Variants in ABAT observed in about 807,000 individuals in gnomAD.
The protein encoded by ABAT is 4-aminobutyrate aminotransferase, mitochondrial.
ABAT carries 45 observed loss-of-function variants against 64.6 expected under a neutral mutation model. The observed-to-expected ratio is 0.70, with a 90% CI of 0.55 to 0.89. ABAT has a LOEUF of 0.89. Among genes scored for constraint, ABAT ranks in the 40% least tolerant of loss-of-function variants. The probability of loss-of-function intolerance (pLI) is 0.00; values close to 1 mark genes in which losing one functional copy is unlikely to be tolerated. For missense variants in ABAT, 633 were observed against 658.4 expected (o/e 0.96, Z 0.42); for synonymous variants, 297 against 250.5 (o/e 1.19, Z -1.75).
chr16:8,775,640 G>A lies in ABAT; in HGVS notation c.1122+583G>A, dbSNP rs142860330. On this transcript the variant is annotated intron_variant, in intron 13 of 15. Coordinates refer to ENST00000268251, the MANE Select transcript of ABAT (RefSeq NM_020686.6). ...CCTACATGTAGTTTCTACCCTCAAG[G>A]TTGCCTCATGGTCCAAAATGGCTTC... Among the ~76,000 whole-genome samples the A allele has an allele frequency of 1.2e-3, 182 of 152,170 alleles. 1 individual carries two copies. The highest frequency in any genetic ancestry group is 4.1e-3 in the African/African-American group (170 of 41,516).
chr16:8,701,162 T>C (rs1274313594), intron 1 of ABAT, among the ~76,000 whole-genome samples: 2 of 152,178 alleles, frequency 1.3e-5, no homozygotes, highest in African/African-American at 4.8e-5. Context: ...GCTCTCAAAC[T>C]CCTGAACTAA....
At chr16:8,695,314 C>T (rs2057677739) in intron 1 of ABAT, among the ~76,000 whole-genome samples, 1 of 152,208 alleles carries the variant, frequency 6.6e-6, no homozygotes, top group Admixed American at 6.5e-5. Context: ...GAATGAGAAG[C>T]AGATGGTTCA....
chr16:8,768,796 C>T lies in ABAT; in HGVS notation c.668-29C>T, dbSNP rs201724555. 3.4e-4 allele frequency: 551 copies of T among 1,613,908 alleles called. 3 individuals are homozygous for T. The African/African-American group carries it at 6.1e-3, about 18-fold the overall frequency. On this transcript the variant is annotated intron_variant, in intron 10 of 15. Transcript: ENST00000268251. ...GTACTGCCTGCTTCCCCAAGCCAAG[C>T]GTCTGCTTTTCTGTTTTGCTGAACT... is the stretch of plus-strand genomic sequence containing the variant.
At chr16:8,755,929 G>C (rs1313473025) in intron 5 of ABAT, among the ~76,000 whole-genome samples, 1 of 152,086 alleles carries the variant, frequency 6.6e-6, no homozygotes, top group Admixed American at 6.6e-5. Flanking sequence ...GGCGCCTGTA[G>C]GCCCAGCTAC....
At chr16:8,744,007 T>G (rs2059258621) in intron 2 of ABAT, among the ~76,000 whole-genome samples, 2 of 152,140 alleles carry the variant, frequency 1.3e-5, no homozygotes, top group Non-Finnish European at 2.9e-5. Context: ...CTACCCTTTG[T>G]GTTTCAGCAA....
intron 2 of ABAT, among the ~76,000 whole-genome samples, chr16:8,745,202 G>C (rs1257610378): frequency 6.6e-6 from 1 of 152,110 alleles, no homozygotes; most frequent in African/African-American, 2.4e-5. Context: ...AGCTGGTCGT[G>C]AACTTCTGAG....
At chr16:8,711,939 A>G (rs2142088721) in intron 1 of ABAT, among the ~76,000 whole-genome samples, 1 of 152,042 alleles carries the variant, frequency 6.6e-6, no homozygotes, top group South Asian at 2.1e-4. Flanking sequence ...AGATTGAACC[A>G]TATGAAATTA....
intron 1 of ABAT, among the ~76,000 whole-genome samples, chr16:8,678,352 A>G (rs2057252951): frequency 6.6e-6 from 1 of 152,192 alleles, no homozygotes; most frequent in South Asian, 2.1e-4. Flanking sequence ...CGCTGGGGTT[A>G]CAAGTGTGAG....
chr16:8,739,357 T>G (rs9302405), intron 2 of ABAT, among the ~76,000 whole-genome samples: 51,880 of 152,140 alleles, frequency 0.34, 10,183 homozygotes, highest in African/African-American at 0.55. Context: ...GCCTCGGTTT[T>G]CTCATCAGGA....
At chr16:8,717,265 G>A (rs992647673) in intron 1 of ABAT, among the ~76,000 whole-genome samples, 1 of 152,044 alleles carries the variant, frequency 6.6e-6, no homozygotes, top group Non-Finnish European at 1.5e-5. Context: ...ACTTCAGCCT[G>A]GGCAACAAGA....
chr16:8,690,247 G>A (rs1028262002), intron 1 of ABAT, among the ~76,000 whole-genome samples: 6 of 152,188 alleles, frequency 3.9e-5, no homozygotes, highest in Admixed American at 6.6e-5. Flanking sequence ...CCAGCCTGGC[G>A]AGTGTCTTGC....
chr16:8,717,108 G>A (rs1193458087), intron 1 of ABAT, among the ~76,000 whole-genome samples: 1 of 152,136 alleles, frequency 6.6e-6, no homozygotes, highest in Non-Finnish European at 1.5e-5. Flanking sequence ...TGACCAACAT[G>A]GTGAAACTTT....
rs2060153469 is a variant in ABAT at position 8,772,845 on chromosome 16, C to T, written c.882C>T (p.Pro294=). The change falls in exon 12 of 16, where the codon CCC becomes CCT. Residue 294 remains proline, a synonymous_variant. Coordinates refer to ENST00000268251, the MANE Select transcript of ABAT (RefSeq NM_020686.6). ...KKTVAGIIVE[P]IQSEGGDNHA... ...CGGTGGCCGGGATCATCGTGGAGCCCATCCAGTCCGAGGGTGGAGACAACC... is the reference window on the plus strand; with the variant it reads ...CGGTGGCCGGGATCATCGTGGAGCCTATCCAGTCCGAGGGTGGAGACAACC... The T allele has an allele frequency of 3.1e-6, 5 of 1,614,102 alleles. No homozygotes were observed. The highest frequency in any genetic ancestry group is 4.2e-6 in the Non-Finnish European group (5 of 1,180,016).
chr16:8,764,733 C>T lies in ABAT; in HGVS notation c.448-5C>T, dbSNP rs374659543. 1 of 1,613,968 alleles carries T rather than the reference C, an allele frequency of 6.2e-7. No homozygotes were observed. On this transcript the variant is annotated splice_polypyrimidine_tract_variant and splice_region_variant and intron_variant, in intron 7 of 15. Coordinates refer to ENST00000268251, the MANE Select transcript of ABAT (RefSeq NM_020686.6). This position sits in a 1 kb window ranked among gnomAD's most constrained non-coding sequence, Gnocchi z 4.2. Reference sequence around the variant, plus strand: ...CTGGGCTCACGGCTATTTCCCTCCCCACAGGTGGCTCCCAAAGGGATGTCC... The same window carrying T: ...CTGGGCTCACGGCTATTTCCCTCCCTACAGGTGGCTCCCAAAGGGATGTCC...
chr16:8,681,249 C>T (rs776517766), intron 1 of ABAT, among the ~76,000 whole-genome samples: 1 of 152,002 alleles, frequency 6.6e-6, no homozygotes, highest in Non-Finnish European at 1.5e-5. Context: ...CCTCGGCCTC[C>T]CAAAGTGCTG....
intron 1 of ABAT, among the ~76,000 whole-genome samples, chr16:8,729,100 A>G (rs2058642316): frequency 1.3e-5 from 2 of 151,796 alleles, no homozygotes; most frequent in South Asian, 4.2e-4. Context: ...TGAGCTCAGG[A>G]GTTCAAGACC....
At chr16:8,714,076 A>G (rs8061339) in intron 1 of ABAT, among the ~76,000 whole-genome samples, 156 of 152,306 alleles carry the variant, frequency 1.0e-3, no homozygotes, top group African/African-American at 3.6e-3. Flanking sequence ...TGTACTTAAC[A>G]GATTTTTCAA....
chr16:8,711,283 G>A (rs1270592563), intron 1 of ABAT, among the ~76,000 whole-genome samples: 1 of 152,182 alleles, frequency 6.6e-6, no homozygotes, highest in East Asian at 1.9e-4. Context: ...GAGGAAAGGT[G>A]AGATAGCAGC....
intron 12 of ABAT, 54 bp downstream of exon 12, chr16:8,772,971 T>C: frequency 6.2e-7 from 1 of 1,610,806 alleles, no homozygotes; most frequent in Non-Finnish European, 8.5e-7. Context: ...TGGGTTGAGT[T>C]CCCCGAGTAA....
Sources: gnomAD v4.1 joint callset for allele counts (sites outside exome capture counted in the v4.1 genomes callset) on GRCh38, gnomAD v4.1.1 for gene constraint, Gnocchi (gnomAD v3.1) non-coding constraint, MANE v1.5 for transcripts, NCBI Gene and HGNC (gene_info 2026-07-23, HGNC 2026-07-21) for gene names.